EVI2B: variants seen among roughly 807,000 people sequenced by gnomAD.
EVI2B encodes the protein ecotropic viral integration site 2B.
A neutral mutation model predicts 6.6 loss-of-function variants in EVI2B; 4 were observed. The ratio of observed to expected loss-of-function variants is 0.61; its 90% CI spans 0.30 to 1.39. The LOEUF (loss-of-function observed/expected upper bound fraction) is 1.39, where lower values mean the gene tolerates loss of function less well. Among genes scored for constraint, EVI2B ranks in the 40% most tolerant of loss-of-function variants. The pLI, the probability that EVI2B is intolerant of heterozygous loss-of-function variation, is 0.08. For missense variants in EVI2B, 484 were observed against 516.6 expected (o/e 0.94, Z 0.61); for synonymous variants, 181 against 186.8 (o/e 0.97, Z 0.25).
intron 1 of EVI2B, among the ~76,000 whole-genome samples, chr17:31,310,794 A>G (rs1053735637): frequency 2.6e-5 from 4 of 152,108 alleles, no homozygotes; most frequent in Non-Finnish European, 5.9e-5. Flanking sequence ...ACTCATTATT[A>G]TAGGCTGGCA....
In EVI2B at chr17:31,304,384, T is replaced by G; in HGVS notation, c.1226A>C (p.Asp409Ala). 6.2e-7 allele frequency: 1 copy of G among 1,614,106 alleles called. No homozygotes were observed. The highest frequency in any genetic ancestry group is 8.5e-7 in the Non-Finnish European group (1 of 1,179,994). Reference protein sequence around the residue: ...DSLNLPLPPVDFMKNQEDSNL... With the variant: ...DSLNLPLPPVAFMKNQEDSNL... ...GGAATCTTCTTGGTTTTTCATAAAA[T>G]CTACTGGTGGCAGGGGCAAGTTAAG... Residue 409 changes from aspartate to alanine, a missense_variant, in exon 2 of 2, where the codon GAT becomes GCT. Coordinates refer to ENST00000330927, the MANE Select transcript of EVI2B (RefSeq NM_006495.4).
Position 31,305,595 on chromosome 17 carries a change from A to G in EVI2B, c.15T>C (p.Tyr5=). MDPK[Y]FILILFCGHL... is the part of the protein sequence containing the mutation. ...GTCCACAAAACAAAATTAAGATGAA[A>G]TATTTGGGATCCATTTCAGAATATT... Residue 5 remains tyrosine, a synonymous_variant, in exon 2 of 2, where the codon TAT becomes TAC. Coordinates refer to ENST00000330927, the MANE Select transcript of EVI2B (RefSeq NM_006495.4). The G allele has an allele frequency of 6.2e-7, 1 of 1,612,440 alleles. No homozygotes were observed. The highest frequency in any genetic ancestry group is 1.1e-5 in the South Asian group (1 of 90,854).
Position 31,304,844 on chromosome 17 carries a change from T to A in EVI2B, c.766A>T (p.Asn256Tyr). 1 of 1,614,078 alleles carries A rather than the reference T, an allele frequency of 6.2e-7. No individual in the cohort carries two copies. Among genetic ancestry groups the A allele is most frequent in the Non-Finnish European group, 8.5e-7 (1 of 1,180,022 alleles). ...DGETPDICMD[N>Y]IRENEISTKR... ...GTGGATATTTCATTTTCTCTGATGT[T>A]ATCCATACAAATGTCAGGGGTTTCT... Residue 256 changes from asparagine to tyrosine, a missense_variant, in exon 2 of 2, where the codon AAC becomes TAC. By Grantham distance (143) the Asn-to-Tyr change is moderately radical. Transcript: ENST00000330927.
chr17:31,304,716 A>C lies in EVI2B; in HGVS notation c.894T>G (p.Ile298Met). 1 of 1,614,192 alleles carries C rather than the reference A, an allele frequency of 6.2e-7. No individual in the cohort carries two copies. Among genetic ancestry groups the C allele is most frequent in the Non-Finnish European group, 8.5e-7 (1 of 1,180,012 alleles). Residue 298 changes from isoleucine (I) to methionine (M), a missense_variant, in exon 2 of 2, where the codon ATT (isoleucine) becomes ATG (methionine). Transcript: ENST00000330927. The part of the protein sequence containing the change: ...EIKLFESSEN[I>M]EDSNNPKTEK... Reference sequence around the variant, plus strand: ...CTGTTTTGGGGTTGTTGGAGTCTTCAATGTTTTCACTTGATTCAAACAACT... The same window carrying C: ...CTGTTTTGGGGTTGTTGGAGTCTTCCATGTTTTCACTTGATTCAAACAACT...
rs540818953 is a variant in EVI2B at position 31,305,809 on chromosome 17, A to T, written c.-21-179T>A. ...CTTGATACACTGTAGGTTTGGTGTA[A>T]CAACTCTTGGATATACTCTAACCCA... is the stretch of plus-strand genomic sequence containing the variant. On this transcript the variant is annotated intron_variant, in intron 1 of 1. Transcript: ENST00000330927. 2.0e-5 allele frequency among the ~76,000 whole-genome samples: 3 copies of T among 152,320 alleles called. No individual in the cohort carries two copies. The East Asian group carries it at 5.8e-4, about 29-fold the overall frequency.
At chr17:31,307,109 G>A (rs1011908095) in intron 1 of EVI2B, among the ~76,000 whole-genome samples, 2 of 151,664 alleles carry the variant, frequency 1.3e-5, no homozygotes, top group Non-Finnish European at 2.9e-5. Flanking sequence ...TGCAAATTCC[G>A]CTTCCCAGGT....
rs1025910868 is a variant in EVI2B at position 31,304,038 on chromosome 17, G to A, written c.*225C>T. 11 of 416,894 alleles carry A rather than the reference G, an allele frequency of 2.6e-5. No homozygotes were observed. Among genetic ancestry groups the A allele is most frequent in the African/African-American group, 8.0e-5 (4 of 49,838 alleles). The allele number at this position is 416,894 out of a possible 1,614,324, so 25.8% of individuals were successfully genotyped here. On this transcript the variant is annotated 3_prime_UTR_variant, in exon 2 of 2. Coordinates refer to ENST00000330927, the MANE Select transcript of EVI2B (RefSeq NM_006495.4). ...AACATACCATTTACATATGTAAAAT[G>A]TACTATACTTTAAAGATAGGTACTA...
intron 1 of EVI2B, among the ~76,000 whole-genome samples, chr17:31,310,956 T>C (rs1242760758): frequency 6.6e-6 from 1 of 151,556 alleles, no homozygotes; most frequent in Non-Finnish European, 1.5e-5. Flanking sequence ...TTTTTTTTTT[T>C]TCCGTTTGGA....
At chr17:31,311,430 A>G (rs916237978) in intron 1 of EVI2B, among the ~76,000 whole-genome samples, 5 of 152,228 alleles carry the variant, frequency 3.3e-5, no homozygotes, top group African/African-American at 1.2e-4. Context: ...TTACTTTGAT[A>G]TAATAAAAGT....
chr17:31,304,474 C>G lies in EVI2B; in HGVS notation c.1136G>C (p.Cys379Ser). ...ATGATCTCCACAGTCTTGATTGAGACAGTCCAGAGATGGAGGGAGACTAGT... is the reference window on the plus strand; with the variant it reads ...ATGATCTCCACAGTCTTGATTGAGAGAGTCCAGAGATGGAGGGAGACTAGT... ...DSTSLPPSLDCLNQDCGDHKS... is the reference protein window; with the variant it reads ...DSTSLPPSLDSLNQDCGDHKS... Residue 379 changes from cysteine to serine, a missense_variant, in exon 2 of 2, where the codon TGT becomes TCT. Transcript: ENST00000330927. 6.2e-7 allele frequency: 1 copy of G among 1,614,144 alleles called. No individual in the cohort carries two copies. Among genetic ancestry groups the G allele is most frequent in the Non-Finnish European group, 8.5e-7 (1 of 1,180,006 alleles).
Position 31,304,805 on chromosome 17 carries a change from T to C in EVI2B, c.805A>G (p.Ile269Val). 6.2e-7 allele frequency: 1 copy of C among 1,614,040 alleles called. No individual in the cohort carries two copies. Among genetic ancestry groups the C allele is most frequent in the Non-Finnish European group, 8.5e-7 (1 of 1,180,006 alleles). ...GGTTTCCAGGGTGTAAGTGAAATGA[T>C]TGATGTACGTTTTGTGGATATTTCA... Reference protein sequence around the residue: ...ENEISTKRTSIISLTPWKPSK... With the variant: ...ENEISTKRTSVISLTPWKPSK... The change falls in exon 2 of 2, where the codon ATC becomes GTC. Residue 269 changes from isoleucine (I) to valine (V), a missense_variant. Transcript: ENST00000330927.
intron 1 of EVI2B, among the ~76,000 whole-genome samples, chr17:31,306,285 T>A (rs1380570032): frequency 1.3e-5 from 2 of 152,148 alleles, no homozygotes; most frequent in African/African-American, 4.8e-5. Context: ...TCTGTAAGAT[T>A]TTAGTTCTCA....
chr17:31,305,415 A>G lies in EVI2B; in HGVS notation c.195T>C (p.Thr65=), dbSNP rs769251597. The change falls in exon 2 of 2, where the codon ACT becomes ACC. Residue 65 remains threonine (T), a synonymous_variant. Coordinates refer to ENST00000330927, the MANE Select transcript of EVI2B (RefSeq NM_006495.4). Reference sequence around the variant, plus strand: ...CAGGTGATATTGATTGTCCAGAAAAAGTGTCGCTGAATTGTGTTGGTTGAC... The same window carrying G: ...CAGGTGATATTGATTGTCCAGAAAAGGTGTCGCTGAATTGTGTTGGTTGAC... ...PLGQPTQFSD[T]FSGQSISPAK... The G allele has an allele frequency of 1.2e-6, 2 of 1,614,160 alleles. No individual in the cohort carries two copies. Among genetic ancestry groups the G allele is most frequent in the South Asian group, 1.1e-5 (1 of 91,092 alleles).
chr17:31,310,732 T>C (rs946272226), intron 1 of EVI2B, among the ~76,000 whole-genome samples: 2 of 151,984 alleles, frequency 1.3e-5, no homozygotes, highest in African/African-American at 4.8e-5. Flanking sequence ...TTTCCAGAAA[T>C]CCCTTAGTCT....
chr17:31,313,984 C>G lies in EVI2B; in HGVS notation c.-27G>C. The G allele has an allele frequency of 2.5e-6, 1 of 398,042 alleles. No individual in the cohort carries two copies. The allele number at this position is 398,042 out of a possible 1,614,324, so 24.7% of individuals were successfully genotyped here. On this transcript the variant is annotated 5_prime_UTR_variant, in exon 1 of 2. Coordinates refer to ENST00000330927, the MANE Select transcript of EVI2B (RefSeq NM_006495.4). ...TTGTGTGAAAATTTTCTTACCTCAG[C>G]TGTTAACTTCTTTTGCAGAATGCTA...
chr17:31,313,163 T>G lies in EVI2B; in HGVS notation c.-22+816A>C, dbSNP rs17881390. Among the ~76,000 whole-genome samples, 249 of 152,272 alleles carry G rather than the reference T, an allele frequency of 1.6e-3. 1 individual carries two copies. Among genetic ancestry groups the G allele is most frequent in the African/African-American group, 5.7e-3 (239 of 41,566 alleles). On this transcript the variant is annotated intron_variant, in intron 1 of 1. Transcript: ENST00000330927. ...ATAGTCAAATACCACATCTGATTTC[T>G]TTTTCTTTCTAAATTAAGTGAAAGT...
chr17:31,304,852 C>A lies in EVI2B; in HGVS notation c.758G>T (p.Cys253Phe), dbSNP rs115271229. Residue 253 changes from cysteine to phenylalanine, a missense_variant, in exon 2 of 2, where the codon TGT becomes TTT. Cys to Phe is a radical substitution (Grantham distance 205, BLOSUM62 -2). Transcript: ENST00000330927. ...PFADGETPDI[C>F]MDNIRENEIS... ...TTCATTTTCTCTGATGTTATCCATA[C>A]AAATGTCAGGGGTTTCTCCATCAGC... 3.6e-4 allele frequency: 580 copies of A among 1,614,020 alleles called. 3 individuals carry two copies. The African/African-American group carries it at 6.8e-3, about 19-fold the overall frequency.
chr17:31,308,169 G>A lies in EVI2B; in HGVS notation c.-21-2539C>T, dbSNP rs187307453. Among the ~76,000 whole-genome samples, 31 of 151,120 alleles carry A rather than the reference G, an allele frequency of 2.1e-4. 1 individual carries two copies. Among genetic ancestry groups the A allele is most frequent in the Middle Eastern group, 6.8e-3 (2 of 294 alleles). On this transcript the variant is annotated intron_variant, in intron 1 of 1. Transcript: ENST00000330927. ...TCTTTTTTTTTTTGGAGACAGAGTC[G>A]TTCTGTCACCCAGGCTGGAGTGCAG...
Position 31,304,902 on chromosome 17 carries a change from T to C in EVI2B, c.708A>G (p.Gln236=), listed in dbSNP as rs368840455. The change falls in exon 2 of 2, where the codon CAA becomes CAG. Residue 236 remains glutamine, a synonymous_variant. Coordinates refer to ENST00000330927, the MANE Select transcript of EVI2B (RefSeq NM_006495.4). ...KCLRKPVLND[Q]NWAGRSPFAD... is the part of the protein sequence containing the mutation. ...CAAATGGAGATCTACCTGCCCAATT[T>C]TGATCATTTAAAACTGGTTTCCTTA... is the stretch of plus-strand genomic sequence containing the variant. 1.9e-6 allele frequency: 3 copies of C among 1,614,164 alleles called. No homozygotes were observed. The highest frequency in any genetic ancestry group is 2.5e-6 in the Non-Finnish European group (3 of 1,180,018).
Sources: gnomAD v4.1 joint callset for allele counts (sites outside exome capture counted in the v4.1 genomes callset) on GRCh38, gnomAD v4.1.1 for gene constraint, MANE v1.5 for transcripts, NCBI Gene and HGNC (gene_info 2026-07-23, HGNC 2026-07-21) for gene names.